ARNT: variants seen among roughly 807,000 people sequenced by gnomAD.
The protein encoded by ARNT is aryl hydrocarbon receptor nuclear translocator.
In ARNT, 30 loss-of-function variants were observed where a neutral mutation model predicts 105.0. That is an observed-to-expected ratio of 0.29 (90% CI 0.21 to 0.39). The LOEUF is 0.39. Among genes scored for constraint, ARNT ranks in the 10% least tolerant of loss-of-function variants. The pLI is 1.00. For missense variants in ARNT, 748 were observed against 978.7 expected, an observed-to-expected ratio of 0.76 and a Z score of 3.15; for synonymous variants, 304 against 344.0, an observed-to-expected ratio of 0.88 and a Z score of 1.29.
intron 6 of ARNT, among the ~76,000 whole-genome samples, chr1:150,838,250 C>T (rs1036432452): frequency 1.3e-5 from 2 of 152,196 alleles, no homozygotes; most frequent in African/African-American, 2.4e-5. Context: ...TGCTCAAGTG[C>T]TTCCCAAAAT....
chr1:150,856,704 A>G (rs1397263834), intron 2 of ARNT, among the ~76,000 whole-genome samples: 2 of 152,228 alleles, frequency 1.3e-5, no homozygotes, highest in African/African-American at 4.8e-5. Flanking sequence ...TGGAGATTGC[A>G]GTGAGCCAAG....
At chr1:150,861,708 C>A (rs1022538261) in intron 1 of ARNT, among the ~76,000 whole-genome samples, 1 of 152,170 alleles carries the variant, frequency 6.6e-6, no homozygotes, top group Non-Finnish European at 1.5e-5. Context: ...TGAGTCACCA[C>A]GCCCAGCCAG....
Position 150,831,921 on chromosome 1 carries a change from G to A in ARNT, c.870-18C>T, listed in dbSNP as rs765081387. On this transcript the variant is annotated intron_variant, in intron 9 of 21. Coordinates refer to ENST00000358595, the MANE Select transcript of ARNT (RefSeq NM_001668.4). ...GTCCATTCCTAGAAGAGTTACAGGA[G>A]TTTGAAAAAAAAAAAAAAAATCTAC... The A allele has an allele frequency of 5.5e-6, 6 of 1,082,138 alleles. No homozygotes were observed. The highest frequency in any genetic ancestry group is 8.0e-6 in the Non-Finnish European group (6 of 753,994). The allele number at this position is 1,082,138 out of a possible 1,614,324, so 67.0% of individuals were successfully genotyped here. A position where few individuals can be genotyped will look rare whatever the true frequency, so the allele number is the denominator to read the frequency against.
intron 21 of ARNT, chr1:150,812,448 T>C (rs1263851790): frequency 5.4e-6 from 1 of 185,464 alleles, no homozygotes; most frequent in Non-Finnish European, 1.1e-5. Context: ...CTGTTTTGCT[T>C]TCTTTCAATC....
intron 1 of ARNT, chr1:150,861,201 G>A (rs745643618): frequency 1.3e-5 from 4 of 309,834 alleles, no homozygotes; most frequent in Admixed American, 4.8e-5. Context: ...ACAGTATGGA[G>A]ATGCCTCCAA....
intron 13 of ARNT, among the ~76,000 whole-genome samples, chr1:150,824,439 TC>T (rs1434265865): frequency 6.6e-6 from 1 of 151,044 alleles, no homozygotes; most frequent in African/African-American, 2.4e-5. Context: ...CCTGAGAACA[TC>T]TGTTTTCTTT....
chr1:150,822,372 A>G (rs1657279254), intron 14 of ARNT, among the ~76,000 whole-genome samples: 1 of 152,120 alleles, frequency 6.6e-6, no homozygotes, highest in South Asian at 2.1e-4. Flanking sequence ...GAGGGCTGGG[A>G]CTTTTAGCCC....
Position 150,857,880 on chromosome 1 carries a change from A to G in ARNT, c.137+469T>C, listed in dbSNP as rs10305671. On this transcript the variant is annotated intron_variant, in intron 2 of 21. Transcript: ENST00000358595. Reference sequence around the variant, plus strand: ...TCCTACTTGGAATCAGCACAATGCCATAACACTAATTAGGAATTTAATAAA... The same window carrying G: ...TCCTACTTGGAATCAGCACAATGCCGTAACACTAATTAGGAATTTAATAAA... Among the ~76,000 whole-genome samples, 564 of 152,320 alleles carry G rather than the reference A, an allele frequency of 3.7e-3. 8 individuals carry two copies. The highest frequency in any genetic ancestry group is 0.013 in the African/African-American group (532 of 41,576).
intron 6 of ARNT, among the ~76,000 whole-genome samples, chr1:150,837,177 C>T (rs1378308798): frequency 6.6e-6 from 1 of 152,154 alleles, no homozygotes; most frequent in Admixed American, 6.5e-5. Flanking sequence ...TCTTTCCCTT[C>T]AGGCCTATAA....
At chr1:150,828,102 TTTCTTAATAATATCCTTTAAAGAG>T (rs1658626025) in intron 12 of ARNT, among the ~76,000 whole-genome samples, 1 of 152,170 alleles carries the variant, frequency 6.6e-6, no homozygotes. Flanking sequence ...GTCTTTTCAT[TTTCTTAATAATATCCTTTAAAGAG>T]GGCAAATTTT....
intron 1 of ARNT, among the ~76,000 whole-genome samples, chr1:150,867,880 C>T (rs1006993175): frequency 5.3e-5 from 8 of 152,150 alleles, no homozygotes; most frequent in African/African-American, 1.2e-4. Context: ...ATGCTTGCTT[C>T]CCCTTCGCCT....
At chr1:150,813,928 T>G (rs1041158954) in intron 20 of ARNT, 149 bp downstream of exon 20, 25 of 1,113,430 alleles carry the variant, frequency 2.2e-5, no homozygotes, top group Non-Finnish European at 3.2e-5. Flanking sequence ...ACCCAGCTGG[T>G]AGGTTTTAAA....
Position 150,863,229 on chromosome 1 carries a change from G to A in ARNT, c.26-4769C>T, listed in dbSNP as rs587690024. Among the ~76,000 whole-genome samples, 8 of 151,460 alleles carry A rather than the reference G, an allele frequency of 5.3e-5. No individual in the cohort carries two copies. In the East Asian group the frequency reaches 1.6e-3, roughly 30 times the overall value. On this transcript the variant is annotated intron_variant, in intron 1 of 21. Transcript: ENST00000358595. ...ATACAAAAATTAGTCAGGTGTGGTG[G>A]TACACGTCTATAATCCCAGCTACTT...
At chr1:150,875,691 T>C (rs1370339953) in intron 1 of ARNT, among the ~76,000 whole-genome samples, 3 of 152,352 alleles carry the variant, frequency 2.0e-5, no homozygotes, top group African/African-American at 7.2e-5. Context: ...TTTGAAGATC[T>C]GATCTCTCTA....
chr1:150,865,077 T>C (rs1206535895), intron 1 of ARNT, among the ~76,000 whole-genome samples: 1 of 151,670 alleles, frequency 6.6e-6, no homozygotes, highest in Non-Finnish European at 1.5e-5. Flanking sequence ...TTTGAAGTAA[T>C]AGAAGTAGGA....
intron 5 of ARNT, among the ~76,000 whole-genome samples, chr1:150,840,223 A>G (rs587730033): frequency 1.3e-5 from 2 of 152,182 alleles, no homozygotes; most frequent in Admixed American, 6.5e-5. Flanking sequence ...CCTGGGTGGC[A>G]GAGCAAGACT....
At chr1:150,863,682 T>A (rs1215608895) in intron 1 of ARNT, among the ~76,000 whole-genome samples, 1 of 151,428 alleles carries the variant, frequency 6.6e-6, no homozygotes, top group Non-Finnish European at 1.5e-5. Context: ...TATAAAAAAT[T>A]ACCAGGCGCC....
intron 1 of ARNT, among the ~76,000 whole-genome samples, chr1:150,867,487 C>T (rs1319496714): frequency 6.6e-6 from 1 of 152,078 alleles, no homozygotes; most frequent in African/African-American, 2.4e-5. Context: ...GATTTCAAGA[C>T]CAGCCTGGGC....
intron 14 of ARNT, chr1:150,818,316 G>T: frequency 7.8e-6 from 2 of 255,546 alleles, no homozygotes; most frequent in East Asian, 7.1e-5. Context: ...TTCATATAAG[G>T]TATTTTTTAA....
Sources: allele counts gnomAD v4.1 joint callset (sites outside exome capture counted in the v4.1 genomes callset), GRCh38; gene constraint gnomAD v4.1.1; transcripts MANE v1.5; gene names NCBI Gene and HGNC (gene_info 2026-07-23, HGNC 2026-07-21).